PPP2R2C: variants seen among roughly 807,000 people sequenced by gnomAD.
The protein encoded by PPP2R2C is protein phosphatase 2, regulatory subunit B, gamma.
In PPP2R2C, 10 loss-of-function variants were observed where a neutral mutation model predicts 45.3. The ratio of observed to expected loss-of-function variants is 0.22; its 90% CI spans 0.14 to 0.37. The LOEUF is 0.37. Among genes scored for constraint, PPP2R2C ranks in the 10% least tolerant of loss-of-function variants. The pLI is 1.00. For missense variants in PPP2R2C, 308 were observed against 619.7 expected, an observed-to-expected ratio of 0.50 and a Z score of 5.34; for synonymous variants, 257 against 245.4, an observed-to-expected ratio of 1.05 and a Z score of -0.44.
At chr4:6,459,998 G>T (rs909001037) in intron 1 of PPP2R2C, among the ~76,000 whole-genome samples, 1 of 151,984 alleles carries the variant, frequency 6.6e-6, no homozygotes, top group Non-Finnish European at 1.5e-5. Flanking sequence ...AAATATGCAC[G>T]CAAAAAGGTG....
intron 4 of PPP2R2C, 30 bp downstream of exon 4, chr4:6,375,789 T>C: frequency 6.6e-7 from 1 of 1,519,754 alleles, no homozygotes; most frequent in Non-Finnish European, 9.1e-7. Flanking sequence ...TAAAGAGGCG[T>C]GTGCCTGCTT....
chr4:6,484,224 C>T (rs1722461589), intron 2 of PPP2R2C, among the ~76,000 whole-genome samples: 1 of 151,922 alleles, frequency 6.6e-6, no homozygotes, highest in Admixed American at 6.5e-5. Context: ...TTTTAGCACC[C>T]ATTATCTAAA....
chr4:6,547,170 T>G (rs769827533), intron 1 of PPP2R2C, among the ~76,000 whole-genome samples: 95 of 152,200 alleles, frequency 6.2e-4, no homozygotes, highest in Non-Finnish European at 1.1e-3. Context: ...CTCTCCCTTT[T>G]TTTTCTCTTG....
intron 1 of PPP2R2C, among the ~76,000 whole-genome samples, chr4:6,391,108 T>C (rs1172582035): frequency 6.6e-6 from 1 of 152,052 alleles, no homozygotes; most frequent in African/African-American, 2.4e-5. Context: ...AGTGTCTGTA[T>C]GGGGTGGGTG....
intron 1 of PPP2R2C, among the ~76,000 whole-genome samples, chr4:6,449,563 G>A (rs1326198756): frequency 6.6e-6 from 1 of 152,234 alleles, no homozygotes; most frequent in Non-Finnish European, 1.5e-5. Flanking sequence ...GGACTCCCGT[G>A]TCCTGTCGGC....
chr4:6,455,994 G>C (rs1452270570), intron 1 of PPP2R2C, among the ~76,000 whole-genome samples: 1 of 152,034 alleles, frequency 6.6e-6, no homozygotes, highest in East Asian at 1.9e-4. Flanking sequence ...ATCCTGGGGG[G>C]GGGGAGCTGC....
At chr4:6,528,221 A>C (rs10014591) in intron 2 of PPP2R2C, among the ~76,000 whole-genome samples, 35,665 of 152,134 alleles carry the variant, frequency 0.23, 4,588 homozygotes, top group Middle Eastern at 0.4. Flanking sequence ...CGGCCTGCAA[A>C]GCCCGCCCTG....
intron 3 of PPP2R2C, among the ~76,000 whole-genome samples, chr4:6,377,307 T>C (rs1715397246): frequency 6.6e-6 from 1 of 152,096 alleles, no homozygotes; most frequent in Non-Finnish European, 1.5e-5. Context: ...TCCACCCTGC[T>C]GGGGCTCAGG....
chr4:6,494,283 C>T (rs980013839), intron 2 of PPP2R2C, among the ~76,000 whole-genome samples: 7 of 152,214 alleles, frequency 4.6e-5, no homozygotes, highest in Non-Finnish European at 1.5e-5. Flanking sequence ...GTCCCCAAAT[C>T]GCCGTCAACC....
chr4:6,393,675 G>A (rs1716811258), intron 1 of PPP2R2C, among the ~76,000 whole-genome samples: 2 of 152,330 alleles, frequency 1.3e-5, no homozygotes, highest in African/African-American at 2.4e-5. Context: ...AGGGATCGGG[G>A]AGGCCAGGGG....
intron 2 of PPP2R2C, among the ~76,000 whole-genome samples, chr4:6,516,382 G>T (rs772716527): frequency 7.2e-5 from 11 of 152,228 alleles, no homozygotes; most frequent in Non-Finnish European, 1.3e-4. Flanking sequence ...CGTCTTACCC[G>T]CAGTGCTGCT....
At chr4:6,344,164 C>T (rs556475396) in intron 6 of PPP2R2C, among the ~76,000 whole-genome samples, 39 of 152,242 alleles carry the variant, frequency 2.6e-4, no homozygotes, top group Non-Finnish European at 3.2e-4. Context: ...TCCCTCTCTC[C>T]GCACCTCGGC....
chr4:6,421,229 G>A (rs1220932694), intron 1 of PPP2R2C: 64 of 677,244 alleles, frequency 9.5e-5, no homozygotes, highest in Non-Finnish European at 1.1e-4. Context: ...ATGCCACAAA[G>A]GAGTCAGGGC....
intron 4 of PPP2R2C, among the ~76,000 whole-genome samples, chr4:6,373,873 A>C (rs1307684639): frequency 6.6e-6 from 1 of 151,216 alleles, no homozygotes. Flanking sequence ...GTGTGCATGC[A>C]TGACTGAGTA....
intron 1 of PPP2R2C, chr4:6,381,610 C>A: frequency 6.8e-7 from 1 of 1,481,354 alleles, no homozygotes; most frequent in Non-Finnish European, 8.9e-7. Flanking sequence ...CTCCTTCAGA[C>A]TCCTGCTCTG....
intron 1 of PPP2R2C, among the ~76,000 whole-genome samples, chr4:6,417,840 G>A (rs765944283): frequency 2.0e-5 from 3 of 152,216 alleles, no homozygotes; most frequent in Non-Finnish European, 2.9e-5. Context: ...CAGCCATCAG[G>A]AAAGCCTCAG....
Position 6,466,596 on chromosome 4 carries a change from G to T in PPP2R2C, c.70+5564C>A, listed in dbSNP as rs181657791. 2.5e-3 allele frequency among the ~76,000 whole-genome samples: 378 copies of T among 152,092 alleles called. 2 individuals are homozygous for T. Among genetic ancestry groups the T allele is most frequent in the African/African-American group, 8.6e-3 (355 of 41,448 alleles). On this transcript the variant is annotated intron_variant, in intron 1 of 8. Coordinates refer to ENST00000382599, the MANE Select transcript of PPP2R2C (RefSeq NM_020416.4). ...TGAGAGTATGTCCCTCTGCTTGGTG[G>T]ACTCACAGGAGTTCACTCTCCTTCT...
At chr4:6,467,415 T>G (rs932776727) in intron 1 of PPP2R2C, among the ~76,000 whole-genome samples, 1 of 152,152 alleles carries the variant, frequency 6.6e-6, no homozygotes, top group African/African-American at 2.4e-5. Flanking sequence ...CCGTGTGACC[T>G]GCCCAATATT....
At chr4:6,542,405 G>A (rs1174953663) in intron 1 of PPP2R2C, among the ~76,000 whole-genome samples, 3 of 152,128 alleles carry the variant, frequency 2.0e-5, no homozygotes, top group Non-Finnish European at 2.9e-5. Context: ...AAAAGATAAC[G>A]CGAGAATGGT....
Sources: gnomAD v4.1 joint callset for allele counts (sites outside exome capture counted in the v4.1 genomes callset) on GRCh38, gnomAD v4.1.1 for gene constraint, MANE v1.5 for transcripts, NCBI Gene and HGNC (gene_info 2026-07-23, HGNC 2026-07-21) for gene names.